RIMS2: variants seen among roughly 807,000 people sequenced by gnomAD.
The protein encoded by RIMS2 is regulating synaptic membrane exocytosis protein 2.
Under a neutral mutation model 174.4 loss-of-function variants are expected in RIMS2, and 59 were observed. The observed-to-expected ratio is 0.34, with a 90% CI of 0.27 to 0.42. RIMS2 has a LOEUF of 0.42. Ranked by LOEUF, RIMS2 falls within the 10% of genes least tolerant of loss-of-function variation. The pLI, the probability that RIMS2 is intolerant of heterozygous loss-of-function variation, is 1.00. For synonymous variants in RIMS2, 606 were observed against 572.5 expected, an observed-to-expected ratio of 1.06 and a Z score of -0.84; for missense variants, 1,620 against 1,666.3, an observed-to-expected ratio of 0.97 and a Z score of 0.48.
Position 103,592,388 on chromosome 8 carries a change from T to G in RIMS2, c.176+91326T>G, listed in dbSNP as rs559248163. ...CTAAGTTCATTTTCATCTTGTAAGCTCTTGGTGTCTTGCAAAGTAGAGCAC... is the reference window on the plus strand; with the variant it reads ...CTAAGTTCATTTTCATCTTGTAAGCGCTTGGTGTCTTGCAAAGTAGAGCAC... On this transcript the variant is annotated intron_variant, in intron 1 of 23. Coordinates refer to ENST00000504942, the Ensembl canonical transcript of RIMS2. Among the ~76,000 whole-genome samples the G allele has an allele frequency of 2.6e-5, 4 of 151,408 alleles. No homozygotes were observed. The South Asian group carries it at 6.2e-4, about 24-fold the overall frequency.
intron 19 of RIMS2, among the ~76,000 whole-genome samples, chr8:104,072,816 C>T (rs1206260706): frequency 6.6e-6 from 1 of 152,112 alleles, no homozygotes; most frequent in Admixed American, 6.5e-5. Context: ...TATTAAGCTA[C>T]TGTCTTTCTA....
chr8:104,177,503 T>C (rs1210132599), intron 19 of RIMS2, among the ~76,000 whole-genome samples: 1 of 152,126 alleles, frequency 6.6e-6, no homozygotes, highest in Non-Finnish European at 1.5e-5. Context: ...TTAATCAATA[T>C]GAAGTGCTAC....
chr8:103,878,726 T>C (rs994925388), intron 3 of RIMS2, among the ~76,000 whole-genome samples: 1 of 151,624 alleles, frequency 6.6e-6, no homozygotes, highest in Non-Finnish European at 1.5e-5. Flanking sequence ...AAAATTTTTT[T>C]ATTGCTGATT....
At chr8:104,169,927 A>T (rs190598927) in intron 19 of RIMS2, among the ~76,000 whole-genome samples, 4 of 152,174 alleles carry the variant, frequency 2.6e-5, no homozygotes, top group Non-Finnish European at 5.9e-5. Flanking sequence ...TAACCCAAAA[A>T]TGATTCAAGA....
intron 3 of RIMS2, among the ~76,000 whole-genome samples, chr8:103,806,622 G>A (rs1592832366): frequency 6.6e-6 from 1 of 152,036 alleles, no homozygotes; most frequent in African/African-American, 2.4e-5. Context: ...TATTTTGTGT[G>A]TGTGTGTGTG....
chr8:103,789,886 G>A (rs117635027), intron 3 of RIMS2, among the ~76,000 whole-genome samples: 8,204 of 150,910 alleles, frequency 0.054, 323 homozygotes, highest in Non-Finnish European at 0.079. Flanking sequence ...CCAAATAGCT[G>A]GGACTACAAG....
intron 7 of RIMS2, among the ~76,000 whole-genome samples, chr8:103,916,158 C>T (rs1309813529): frequency 2.0e-5 from 3 of 151,922 alleles, no homozygotes; most frequent in Non-Finnish European, 2.9e-5. Flanking sequence ...GCTTAGAATT[C>T]GAATTTCTAT....
intron 3 of RIMS2, among the ~76,000 whole-genome samples, chr8:103,836,931 T>A (rs2098898354): frequency 1.3e-5 from 2 of 152,248 alleles, no homozygotes; most frequent in Non-Finnish European, 2.9e-5. Context: ...CACAGTTTGA[T>A]AGTACAGTGC....
At chr8:103,659,392 C>G (rs1424614648) in intron 1 of RIMS2, among the ~76,000 whole-genome samples, 1 of 152,180 alleles carries the variant, frequency 6.6e-6, no homozygotes, top group African/African-American at 2.4e-5. Flanking sequence ...CGAGGGCCCA[C>G]CAGCCTAATT....
chr8:103,644,718 A>T (rs537716055), intron 1 of RIMS2, among the ~76,000 whole-genome samples: 9 of 151,064 alleles, frequency 6.0e-5, no homozygotes, highest in South Asian at 2.1e-4. Context: ...TATTTTAAAT[A>T]TTTATACATA....
At chr8:103,692,678 ATGT>A (rs1226155231) in intron 1 of RIMS2, among the ~76,000 whole-genome samples, 1 of 152,166 alleles carries the variant, frequency 6.6e-6, no homozygotes, top group African/African-American at 2.4e-5. Context: ...ATCTCTAGAA[ATGT>A]TGTCTGGGAG....
rs150306629 is a variant in RIMS2 at position 104,012,619 on chromosome 8, G to A, written c.3045-823G>A. Among the ~76,000 whole-genome samples the A allele has an allele frequency of 8.0e-3, 1,211 of 152,092 alleles. 10 individuals are homozygous for A. Among genetic ancestry groups the A allele is most frequent in the Non-Finnish European group, 0.013 (871 of 67,938 alleles). On this transcript the variant is annotated intron_variant, in intron 17 of 23. Transcript: ENST00000504942. ...TTTTTAAAGTCATCTCCCAAATTGT[G>A]GGGCTGATGTTAGGAAACATTTATT...
chr8:104,073,995 A>G (rs1241555635), intron 19 of RIMS2, among the ~76,000 whole-genome samples: 5 of 152,228 alleles, frequency 3.3e-5, no homozygotes, highest in African/African-American at 1.2e-4. Flanking sequence ...TGTTTGGTCA[A>G]TTAAAATGCC....
At chr8:104,007,427 A>C (rs1294947059) in intron 17 of RIMS2, among the ~76,000 whole-genome samples, 2 of 152,178 alleles carry the variant, frequency 1.3e-5, no homozygotes, top group African/African-American at 4.8e-5. Context: ...AGACATTAAA[A>C]ATTGTCATAA....
At chr8:104,216,959 A>T (rs1052934318) in intron 19 of RIMS2, among the ~76,000 whole-genome samples, 9 of 152,232 alleles carry the variant, frequency 5.9e-5, no homozygotes, top group African/African-American at 2.2e-4. Context: ...TAAATGAGAC[A>T]ATGCATGTGA....
intron 8 of RIMS2, 149 bp from the exon 12 acceptor site, chr8:103,918,292 G>T: frequency 2.0e-6 from 1 of 502,698 alleles, no homozygotes; most frequent in East Asian, 3.0e-5. Context: ...ACTAAGGCTT[G>T]TTTGTTTCTT....
Position 103,960,502 on chromosome 8 carries a change from C to T in RIMS2, c.2702-563C>T, listed in dbSNP as rs980743634. ...AAGCAATAGACAAATAGCTAAACTACATAGTTTTTTTAAAAAGGATATTTA... is the reference window on the plus strand; with the variant it reads ...AAGCAATAGACAAATAGCTAAACTATATAGTTTTTTTAAAAAGGATATTTA... On this transcript the variant is annotated intron_variant, in intron 14 of 23. Transcript: ENST00000504942. Among the ~76,000 whole-genome samples, 8 of 152,080 alleles carry T rather than the reference C, an allele frequency of 5.3e-5. 1 individual carries two copies. The highest frequency in any genetic ancestry group is 3.2e-3 in the Middle Eastern group (1 of 316).
At chr8:104,119,345 G>A (rs772259220) in intron 19 of RIMS2, among the ~76,000 whole-genome samples, 2 of 151,802 alleles carry the variant, frequency 1.3e-5, no homozygotes, top group Non-Finnish European at 2.9e-5. Flanking sequence ...TGGCAAGTGA[G>A]CAAGACTCCA....
intron 1 of RIMS2, among the ~76,000 whole-genome samples, chr8:103,558,153 A>G (rs1470009008): frequency 6.6e-6 from 1 of 152,216 alleles, no homozygotes; most frequent in Non-Finnish European, 1.5e-5. Context: ...CAAAAAACAA[A>G]GAAAAAAACC....
Sources: gnomAD v4.1 joint callset for allele counts (sites outside exome capture counted in the v4.1 genomes callset) on GRCh38, gnomAD v4.1.1 for gene constraint, MANE v1.5 for transcripts, NCBI Gene and HGNC (gene_info 2026-07-23, HGNC 2026-07-21) for gene names.